SAMMSON: variants seen among roughly 807,000 people sequenced by gnomAD.
SAMMSON encodes the protein survival associated mitochondrial melanoma specific oncogenic non-coding RNA.
At chr3:70,332,755 G>T (rs1480603822) in intron 7 of SAMMSON, 2 of 152,090 alleles carry the variant, frequency 1.3e-5, no homozygotes, top group Middle Eastern at 3.1e-3. Flanking sequence ...CCGCCACCAC[G>T]CCCGGTGGTT....
intron 4 of SAMMSON, among the ~76,000 whole-genome samples, chr3:70,217,452 C>T (rs1701426165): frequency 6.6e-6 from 1 of 152,088 alleles, no homozygotes; most frequent in African/African-American, 2.4e-5. Context: ...AGAAAGATTG[C>T]GTCCATATAG....
chr3:70,306,184 A>G (rs1435727165), intron 7 of SAMMSON, among the ~76,000 whole-genome samples: 9 of 151,936 alleles, frequency 5.9e-5, no homozygotes. Context: ...GCTCACTGCA[A>G]CCTCCGCCTC....
chr3:70,342,764 C>T (rs930476088), intron 7 of SAMMSON, among the ~76,000 whole-genome samples: 10 of 152,118 alleles, frequency 6.6e-5, no homozygotes, highest in South Asian at 2.1e-4. Context: ...TTGGTGATGC[C>T]GGCATTTCCA....
chr3:70,206,830 T>C (rs1182751137), intron 4 of SAMMSON: 1 of 396,976 alleles, frequency 2.5e-6, no homozygotes, highest in Non-Finnish European at 4.4e-6. Context: ...AAACCCACTA[T>C]GGTTTACGTG....
intron 3 of SAMMSON, among the ~76,000 whole-genome samples, chr3:70,021,133 G>T (rs2067011575): frequency 6.6e-6 from 1 of 151,990 alleles, no homozygotes; most frequent in Admixed American, 6.6e-5. Flanking sequence ...AACATTCCCT[G>T]TGTGTGTGTA....
intron 4 of SAMMSON, among the ~76,000 whole-genome samples, chr3:70,169,168 A>T (rs911565970): frequency 6.6e-6 from 1 of 152,172 alleles, no homozygotes. Flanking sequence ...ATTTTGGATA[A>T]ACTTTGGTTT....
chr3:70,022,437 A>G (rs2067019431), intron 3 of SAMMSON, among the ~76,000 whole-genome samples: 3 of 151,282 alleles, frequency 2.0e-5, no homozygotes, highest in Non-Finnish European at 3.0e-5. Flanking sequence ...AAAAAAAAAA[A>G]AAAAAAAAAA....
intron 4 of SAMMSON, among the ~76,000 whole-genome samples, chr3:70,134,087 C>CAAAAA (rs1157606808): frequency 1.7e-5 from 1 of 60,570 alleles, no homozygotes; most frequent in Non-Finnish European, 3.5e-5. Context: ...ACTGAAAATA[C>CAAAAA]AAAAAAAAAA....
chr3:70,308,614 C>A (rs1191716917), intron 7 of SAMMSON, among the ~76,000 whole-genome samples: 6 of 152,088 alleles, frequency 3.9e-5, no homozygotes, highest in Non-Finnish European at 8.8e-5. Context: ...CTGGCAAAAG[C>A]AAGACGATTG....
chr3:70,049,732 A>AT (rs936272093), intron 3 of SAMMSON, among the ~76,000 whole-genome samples: 4 of 152,024 alleles, frequency 2.6e-5, no homozygotes, highest in Non-Finnish European at 2.9e-5. Flanking sequence ...GAAATGAGGG[A>AT]TTTTTTGTTG....
intron 1 of SAMMSON, among the ~76,000 whole-genome samples, chr3:70,010,990 T>G (rs2066952480): frequency 6.6e-6 from 1 of 152,096 alleles, no homozygotes; most frequent in African/African-American, 2.4e-5. Context: ...TTCACCTGGT[T>G]CCAACCTTGA....
chr3:70,210,112 G>T (rs1000895221), intron 4 of SAMMSON, among the ~76,000 whole-genome samples: 2 of 152,084 alleles, frequency 1.3e-5, no homozygotes, highest in South Asian at 2.1e-4. Flanking sequence ...TTGGATAGAG[G>T]TTACTGGAAT....
chr3:70,427,071 C>G (rs956949270), intron 2 of SAMMSON, among the ~76,000 whole-genome samples: 2 of 152,212 alleles, frequency 1.3e-5, no homozygotes, highest in Non-Finnish European at 2.9e-5. Context: ...TTCACTCAAT[C>G]TGCCCTCAGT....
chr3:70,275,020 G>A (rs1702009333), intron 6 of SAMMSON, among the ~76,000 whole-genome samples: 1 of 152,042 alleles, frequency 6.6e-6, no homozygotes, highest in South Asian at 2.1e-4. Context: ...TTTCTCAAAG[G>A]AAACTACAGA....
At chr3:70,343,315 T>A (rs1575629792) in intron 7 of SAMMSON, among the ~76,000 whole-genome samples, 1 of 152,172 alleles carries the variant, frequency 6.6e-6, no homozygotes, top group South Asian at 2.1e-4. Context: ...AAGGTTCTTT[T>A]TCGGTTCCAG....
At chr3:70,345,658 T>G (rs1463580554) in intron 7 of SAMMSON, among the ~76,000 whole-genome samples, 1 of 152,142 alleles carries the variant, frequency 6.6e-6, no homozygotes, top group Admixed American at 6.5e-5. Context: ...CCTCATCCCC[T>G]CCAAAACCTC....
chr3:70,375,768 C>T (rs926532138), intron 9 of SAMMSON, among the ~76,000 whole-genome samples: 1 of 152,096 alleles, frequency 6.6e-6, no homozygotes, highest in African/African-American at 2.4e-5. Context: ...ATTTTTTCAT[C>T]GCAGAGTGAG....
At chr3:70,192,933 G>T (rs1039802557) in intron 4 of SAMMSON, among the ~76,000 whole-genome samples, 4 of 152,096 alleles carry the variant, frequency 2.6e-5, no homozygotes, top group Non-Finnish European at 5.9e-5. Flanking sequence ...TGGTGGGCGC[G>T]GGGGGTTGTG....
chr3:70,028,433 G>T (rs1318759865), intron 3 of SAMMSON, among the ~76,000 whole-genome samples: 3 of 152,108 alleles, frequency 2.0e-5, no homozygotes, highest in African/African-American at 7.2e-5. Context: ...AGCCAGAGGG[G>T]TGAACTGATG....
Sources: allele counts gnomAD v4.1 joint callset (sites outside exome capture counted in the v4.1 genomes callset), GRCh38; gene constraint gnomAD v4.1.1; transcripts MANE v1.5; gene names NCBI Gene and HGNC (gene_info 2026-07-23, HGNC 2026-07-21).